The following TMEM242 variants were observed in gnomAD, a reference collection of about 807,000 sequenced individuals.
TMEM242 encodes the protein UPF0463 transmembrane protein C6orf35.
A neutral mutation model predicts 18.2 loss-of-function variants in TMEM242; 10 were observed. The ratio of observed to expected loss-of-function variants is 0.55; its 90% CI spans 0.34 to 0.93. The LOEUF is 0.93. TMEM242 is among the 40% of genes least tolerant of loss of function. The pLI, the probability that TMEM242 is intolerant of heterozygous loss-of-function variation, is 0.02. For missense variants in TMEM242, 186 were observed against 175.5 expected (o/e 1.06, Z -0.34); for synonymous variants, 57 against 69.9 (o/e 0.81, Z 0.92).
intron 3 of TMEM242, chr6:157,299,682 C>G: frequency 6.2e-7 from 1 of 1,610,890 alleles, no homozygotes; most frequent in Non-Finnish European, 8.5e-7. Context: ...TTTCGCTGGA[C>G]TAAATTAAGG....
chr6:157,318,603 G>A, intron 3 of TMEM242, 179 bp downstream of exon 3: 2 of 607,148 alleles, frequency 3.3e-6, no homozygotes, highest in Non-Finnish European at 5.5e-6. Context: ...TTCAAAAATT[G>A]TATTTATTAG....
chr6:157,313,383 TAC>T (rs1554249739), intron 3 of TMEM242, among the ~76,000 whole-genome samples: 26 of 19,026 alleles, frequency 1.4e-3, no homozygotes, highest in Non-Finnish European at 2.0e-3. Flanking sequence ...TGCCTCAGTG[TAC>T]GCTCACCGGG....
chr6:157,312,169 C>A (rs1583568269), intron 3 of TMEM242, among the ~76,000 whole-genome samples: 2 of 147,270 alleles, frequency 1.4e-5, no homozygotes, highest in Non-Finnish European at 3.0e-5. Context: ...CCAGTGTGCA[C>A]TCACCCGGCC....
intron 3 of TMEM242, among the ~76,000 whole-genome samples, chr6:157,309,220 T>C (rs1212108583): frequency 1.3e-5 from 2 of 152,230 alleles, no homozygotes; most frequent in Non-Finnish European, 2.9e-5. Flanking sequence ...ATGTTTCTAA[T>C]GTAATTATGA....
rs185366040 is a variant in TMEM242, at chr6:157,292,245, C to T, written c.*656G>A. ...TGATATCATCATTATTTTAGCCCAA[C>T]TGTGCCTTTTGGGGTGATCACAACT... On this transcript the variant is annotated 3_prime_UTR_variant, in exon 4 of 4. Transcript: ENST00000400788. 2.6e-5 allele frequency: 4 copies of T among 152,202 alleles called. No individual in the cohort carries two copies. Among genetic ancestry groups the T allele is most frequent in the Non-Finnish European group, 5.9e-5 (4 of 68,032 alleles). The allele number at this position is 152,202 out of a possible 1,614,324, so 9.4% of individuals were successfully genotyped here. A position where few individuals can be genotyped will look rare whatever the true frequency, so the allele number is the denominator to read the frequency against.
At position 157,289,192 on chromosome 6, in the gene TMEM242, T is replaced by C. The variant is rs1233946174; in HGVS notation, c.*3709A>G. Among the ~76,000 whole-genome samples the C allele has an allele frequency of 1.3e-5, 2 of 152,212 alleles. No individual in the cohort carries two copies. Among genetic ancestry groups the C allele is most frequent in the African/African-American group, 2.4e-5 (1 of 41,454 alleles). ...CTTGGGTGGGAAAGTTGAAACGATA[T>C]GTGCTTCTTGGTAGCTGTGATTCTA... On this transcript the variant is annotated 3_prime_UTR_variant, in exon 4 of 4. Coordinates refer to ENST00000400788, the MANE Select transcript of TMEM242 (RefSeq NM_018452.6).
At chr6:157,320,884 T>C (rs966517101) in intron 2 of TMEM242, among the ~76,000 whole-genome samples, 2 of 152,166 alleles carry the variant, frequency 1.3e-5, no homozygotes, top group Non-Finnish European at 2.9e-5. Flanking sequence ...CAAGTAAAAA[T>C]GATATTCTAT....
chr6:157,293,889 T>G (rs999658650), intron 3 of TMEM242, among the ~76,000 whole-genome samples: 16 of 152,202 alleles, frequency 1.1e-4, no homozygotes, highest in Non-Finnish European at 2.2e-4. Context: ...ATGTGCTAAC[T>G]TTTGCATTTT....
At chr6:157,303,649 G>T (rs1777862900) in intron 3 of TMEM242, among the ~76,000 whole-genome samples, 1 of 152,156 alleles carries the variant, frequency 6.6e-6, no homozygotes, top group African/African-American at 2.4e-5. Context: ...TTAGGGGAAA[G>T]GGATAAAATG....
Position 157,318,836 on chromosome 6 carries a change from C to A in TMEM242, c.273G>T (p.Trp91Cys). ...RALGWGSLYA[W>C]CGVGVISFAV... ...CGAAGCTAATCACACCAACCCCACACCATGCATACAGGGAGCCCCAGCCCA... is the reference window on the plus strand; with the variant it reads ...CGAAGCTAATCACACCAACCCCACAACATGCATACAGGGAGCCCCAGCCCA... Residue 91 changes from tryptophan (W) to cysteine (C), a missense_variant, in exon 3 of 4, where the codon TGG becomes TGT. Trp to Cys is a radical substitution (Grantham distance 215, BLOSUM62 -2). Transcript: ENST00000400788. 1 of 1,614,066 alleles carries A rather than the reference C, an allele frequency of 6.2e-7. No homozygotes were observed. Among genetic ancestry groups the A allele is most frequent in the Non-Finnish European group, 8.5e-7 (1 of 1,180,016 alleles).
chr6:157,308,672 C>T (rs1252426581), intron 3 of TMEM242, among the ~76,000 whole-genome samples: 2 of 149,834 alleles, frequency 1.3e-5, no homozygotes, highest in Non-Finnish European at 3.0e-5. Flanking sequence ...GAAAGCTGTG[C>T]AAGATGCCAA....
intron 2 of TMEM242, among the ~76,000 whole-genome samples, chr6:157,322,401 G>A (rs1778510689): frequency 6.6e-6 from 1 of 152,192 alleles, no homozygotes. Context: ...AAAGTGCTGG[G>A]ATTACAGGCA....
At chr6:157,318,682 G>C (rs1255991504) in intron 3 of TMEM242, 100 bp downstream of exon 3, 1 of 1,471,872 alleles carries the variant, frequency 6.8e-7, no homozygotes, top group East Asian at 2.3e-5. Context: ...CCTAGACAGT[G>C]ACCAAACTAC....
chr6:157,320,998 C>CTTTTTTTTTTTTT (rs201521248), intron 2 of TMEM242, among the ~76,000 whole-genome samples: 2 of 135,594 alleles, frequency 1.5e-5, no homozygotes, highest in Non-Finnish European at 1.6e-5. Flanking sequence ...TTTCCCATTT[C>CTTTTTTTTTTTTT]TTTTTTTTTT....
Position 157,299,962 on chromosome 6 carries a change from C to A in TMEM242, c.328-6963G>T, listed in dbSNP as rs782074110. On this transcript the variant is annotated intron_variant, in intron 3 of 3. Transcript: ENST00000400788. ...TGGAGACCTTACTGTGATGAGCGGG[C>A]TCCTCGGAAGTGAAGCGCTCAACAA... The A allele has an allele frequency of 5.1e-6, 8 of 1,568,394 alleles. No homozygotes were observed. The East Asian group carries it at 9.0e-5, about 18-fold the overall frequency.
intron 3 of TMEM242, among the ~76,000 whole-genome samples, chr6:157,302,977 G>A (rs1448783338): frequency 6.6e-6 from 1 of 152,066 alleles, no homozygotes; most frequent in Non-Finnish European, 1.5e-5. Flanking sequence ...TTTCCTCTCC[G>A]GGAGTCCAGT....
intron 3 of TMEM242, among the ~76,000 whole-genome samples, chr6:157,300,870 C>A (rs1777820936): frequency 6.6e-6 from 1 of 152,188 alleles, no homozygotes; most frequent in Non-Finnish European, 1.5e-5. Flanking sequence ...ATGAGGATAT[C>A]TCTTAAAAGT....
At chr6:157,295,609 G>C (rs1026420030) in intron 3 of TMEM242, among the ~76,000 whole-genome samples, 8 of 152,156 alleles carry the variant, frequency 5.3e-5, no homozygotes, top group Non-Finnish European at 8.8e-5. Context: ...GCAAGGGGCG[G>C]TCCTGCTCTC....
intron 3 of TMEM242, among the ~76,000 whole-genome samples, chr6:157,317,543 G>A (rs1778412376): frequency 6.6e-6 from 1 of 152,130 alleles, no homozygotes; most frequent in African/African-American, 2.4e-5. Flanking sequence ...GCCTTGGTGA[G>A]TTAATCTAGT....
Sources: gnomAD v4.1 joint callset for allele counts (sites outside exome capture counted in the v4.1 genomes callset) on GRCh38, gnomAD v4.1.1 for gene constraint, MANE v1.5 for transcripts, NCBI Gene and HGNC (gene_info 2026-07-23, HGNC 2026-07-21) for gene names.